The following SDHA variants were observed in gnomAD, a reference collection of about 807,000 sequenced individuals.
SDHA encodes succinate dehydrogenase [ubiquinone] flavoprotein subunit, mitochondrial.
In SDHA, 48 loss-of-function variants were observed where a neutral mutation model predicts 78.4. The ratio of observed to expected loss-of-function variants is 0.61; its 90% CI spans 0.49 to 0.78. The LOEUF is 0.78. Among genes scored for constraint, SDHA ranks in the 30% least tolerant of loss-of-function variants. SDHA has a pLI of 0.00. For synonymous variants in SDHA, 326 were observed against 353.9 expected (o/e 0.92, Z 0.88); for missense variants, 680 against 892.7 (o/e 0.76, Z 3.04).
intron 2 of SDHA, 75 bp from the exon 3 acceptor site, chr5:224,285 T>C (rs1262686661): frequency 6.7e-7 from 1 of 1,484,434 alleles, no homozygotes; most frequent in Non-Finnish European, 9.4e-7. Flanking sequence ...TTTGTCAAGC[T>C]CTTTCACTGT....
At position 233,566 on chromosome 5, in the gene SDHA, C is replaced by G. The variant is rs771328239; in HGVS notation, c.985C>G (p.Arg329Gly). Residue 329 changes from arginine to glycine, a missense_variant, in exon 8 of 15, where the codon CGA becomes GGA. Arg to Gly is a moderately radical substitution (Grantham distance 125). Coordinates refer to ENST00000264932, the MANE Select transcript of SDHA (RefSeq NM_004168.4). ...INSQGERFME[R>G]YAPVAKDLAS... is the part of the protein sequence containing the mutation. Reference sequence around the variant, plus strand: ...CAGTCAAGGCGAAAGGTTTATGGAGCGATACGCCCCTGTCGCGAAGGACCT... The same window carrying G: ...CAGTCAAGGCGAAAGGTTTATGGAGGGATACGCCCCTGTCGCGAAGGACCT... The G allele has an allele frequency of 5.6e-6, 9 of 1,614,148 alleles. No homozygotes were observed. The highest frequency in any genetic ancestry group is 6.8e-6 in the Non-Finnish European group (8 of 1,180,006).
At chr5:219,887 G>GT (rs56026450) in intron 1 of SDHA, among the ~76,000 whole-genome samples, 36,581 of 152,090 alleles carry the variant, frequency 0.24, 6,861 homozygotes, top group African/African-American at 0.53. Context: ...TTAGTCTTGG[G>GT]TTTTGTAAAA....
intron 7 of SDHA, among the ~76,000 whole-genome samples, chr5:233,087 AT>A (rs1358793592): frequency 7.9e-5 from 12 of 152,254 alleles, no homozygotes; most frequent in Non-Finnish European, 1.8e-4. Flanking sequence ...TGTTTGGATA[AT>A]TTAGATATGA....
intron 11 of SDHA, chr5:249,839 A>G (rs1736704418): frequency 6.6e-6 from 1 of 152,264 alleles, no homozygotes; most frequent in African/African-American, 2.4e-5. Flanking sequence ...TTATTTACAG[A>G]TAGAATTTCC....
chr5:242,663 A>G (rs1313737913), intron 11 of SDHA, among the ~76,000 whole-genome samples: 1 of 152,100 alleles, frequency 6.6e-6, no homozygotes, highest in African/African-American at 2.4e-5. Context: ...AATGGCGCCC[A>G]TATATGGGGG....
intron 1 of SDHA, among the ~76,000 whole-genome samples, chr5:220,586 T>C (rs1393492438): frequency 6.6e-6 from 1 of 152,198 alleles, no homozygotes; most frequent in African/African-American, 2.4e-5. Flanking sequence ...TTTTTTGATA[T>C]GAAACCTGGA....
chr5:262,655 T>C, the SDHA span, among the ~76,000 whole-genome samples: 2 of 152,222 alleles, frequency 1.3e-5, no homozygotes, highest in African/African-American at 4.8e-5. Flanking sequence ...GCCAACAAGG[T>C]TAGGGACCAC....
At chr5:253,126 G>T (rs1239783547) in intron 13 of SDHA, 2 of 152,318 alleles carry the variant, frequency 1.3e-5, no homozygotes, top group African/African-American at 4.8e-5. Context: ...GGAAAGGGAA[G>T]CTTGGGATGC....
At chr5:228,377 A>T (rs1018316617) in intron 6 of SDHA, 44 bp downstream of exon 6, 3 of 1,555,626 alleles carry the variant, frequency 1.9e-6, no homozygotes, top group Non-Finnish European at 2.7e-6. Context: ...AAAAATGAAT[A>T]AATTTCATTT....
intron 13 of SDHA, chr5:251,711 G>A (rs1172330256): frequency 6.8e-7 from 1 of 1,460,036 alleles, no homozygotes; most frequent in Admixed American, 2.1e-5. Context: ...AAGCCAATGT[G>A]CTTTGCTGTT....
At chr5:246,971 A>G (rs1324491800) in intron 11 of SDHA, among the ~76,000 whole-genome samples, 2 of 134,354 alleles carry the variant, frequency 1.5e-5, no homozygotes, top group African/African-American at 3.6e-5. Context: ...GGTATTCTTG[A>G]TATTTTCCTA....
chr5:233,678 C>A (rs1222225622), intron 8 of SDHA, 33 bp downstream of exon 8: 2 of 1,609,970 alleles, frequency 1.2e-6, no homozygotes, highest in Non-Finnish European at 1.7e-6. Context: ...ACTGTCTGAG[C>A]GGGCACACGG....
At chr5:268,714 G>C in the SDHA span, among the ~76,000 whole-genome samples, 1 of 152,140 alleles carries the variant, frequency 6.6e-6, no homozygotes. Flanking sequence ...TATAAGGGTG[G>C]ATTATATTTA....
chr5:253,755 C>G (rs1257201524), intron 13 of SDHA, among the ~76,000 whole-genome samples: 4 of 152,086 alleles, frequency 2.6e-5, no homozygotes, highest in African/African-American at 4.8e-5. Flanking sequence ...TTTAGTTGGT[C>G]ACAGTCAGTT....
chr5:254,482 C>T lies in SDHA; in HGVS notation c.1884C>T (p.Ser628=), dbSNP rs1224468457. The T allele has an allele frequency of 6.3e-7, 1 of 1,578,782 alleles. No individual in the cohort carries two copies. Among genetic ancestry groups the T allele is most frequent in the East Asian group, 2.3e-5 (1 of 43,630 alleles). ...FEEHWRKHTL[S]YVDVGTGKVT... ...AGCACTGGAGGAAGCACACCCTGTCCTATGTGGACGTTGGCACTGGGAAGG... is the reference window on the plus strand; with the variant it reads ...AGCACTGGAGGAAGCACACCCTGTCTTATGTGGACGTTGGCACTGGGAAGG... Residue 628 remains serine, a synonymous_variant, in exon 14 of 15, where the codon TCC becomes TCT. Transcript: ENST00000264932.
chr5:227,250 T>C (rs1735087925), intron 5 of SDHA, among the ~76,000 whole-genome samples: 1 of 152,148 alleles, frequency 6.6e-6, no homozygotes, highest in South Asian at 2.1e-4. Context: ...GCTCAGGCAG[T>C]CCACCTGCCT....
chr5:263,930 A>G, the SDHA span, among the ~76,000 whole-genome samples: 2 of 152,348 alleles, frequency 1.3e-5, no homozygotes, highest in African/African-American at 2.4e-5. Flanking sequence ...TATGTTTGCA[A>G]CCAAGTTCTT....
At chr5:226,621 C>A (rs1484233578) in intron 5 of SDHA, among the ~76,000 whole-genome samples, 1 of 143,594 alleles carries the variant, frequency 7.0e-6, no homozygotes, top group Non-Finnish European at 1.5e-5. Flanking sequence ...AACAGGAGAC[C>A]CTGTCTCAAA....
the SDHA span, among the ~76,000 whole-genome samples, chr5:264,294 A>C: frequency 6.6e-6 from 1 of 152,246 alleles, no homozygotes; most frequent in Non-Finnish European, 1.5e-5. Context: ...AAATGAATGA[A>C]TCTAAATTCC....
Sources: gnomAD v4.1 joint callset for allele counts (sites outside exome capture counted in the v4.1 genomes callset) on GRCh38, gnomAD v4.1.1 for gene constraint, MANE v1.5 for transcripts, NCBI Gene and HGNC (gene_info 2026-07-23, HGNC 2026-07-21) for gene names.